The following TMEM132D variants were observed in gnomAD, a reference collection of about 807,000 sequenced individuals.
TMEM132D encodes transmembrane protein 132D.
Under a neutral mutation model 62.3 loss-of-function variants are expected in TMEM132D, and 21 were observed. That is an observed-to-expected ratio of 0.34 (90% CI 0.24 to 0.49). The LOEUF is 0.49. TMEM132D is among the 20% of genes least tolerant of loss of function. TMEM132D has a pLI of 0.99. For synonymous variants in TMEM132D, 621 were observed against 575.6 expected (o/e 1.08, Z -1.13); for missense variants, 1,346 against 1,402.8 (o/e 0.96, Z 0.65).
chr12:129,198,532 A>C (rs1312358155), intron 5 of TMEM132D, among the ~76,000 whole-genome samples: 1 of 152,244 alleles, frequency 6.6e-6, no homozygotes, highest in African/African-American at 2.4e-5. Context: ...ATTTGAAAAC[A>C]TTATGCTAAG....
At chr12:129,731,537 C>A (rs1869236631) in intron 1 of TMEM132D, among the ~76,000 whole-genome samples, 1 of 152,016 alleles carries the variant, frequency 6.6e-6, no homozygotes, top group African/African-American at 2.4e-5. Context: ...TGAAGACCTG[C>A]CAGGTGTGTA....
At chr12:129,347,086 T>C (rs1235632566) in intron 3 of TMEM132D, among the ~76,000 whole-genome samples, 1 of 152,210 alleles carries the variant, frequency 6.6e-6, no homozygotes, top group Non-Finnish European at 1.5e-5. Context: ...AAACATTCCA[T>C]GCTCGTGGAT....
intron 4 of TMEM132D, among the ~76,000 whole-genome samples, chr12:129,332,963 A>G (rs1869158229): frequency 6.6e-6 from 1 of 152,212 alleles, no homozygotes; most frequent in South Asian, 2.1e-4. Context: ...AAAATACTTA[A>G]CATTACTAAA....
At chr12:129,103,478 C>A (rs1875382472) in intron 5 of TMEM132D, among the ~76,000 whole-genome samples, 1 of 151,494 alleles carries the variant, frequency 6.6e-6, no homozygotes, top group East Asian at 1.9e-4. Flanking sequence ...GGAGCCCCAT[C>A]CAGACACACA....
At chr12:129,281,818 G>T (rs1481746003) in intron 4 of TMEM132D, among the ~76,000 whole-genome samples, 3 of 152,106 alleles carry the variant, frequency 2.0e-5, no homozygotes, top group Admixed American at 6.6e-5. Context: ...TATTACCTGG[G>T]AGGTTATGGC....
intron 5 of TMEM132D, among the ~76,000 whole-genome samples, chr12:129,165,077 A>G (rs1345642883): frequency 6.6e-6 from 1 of 152,258 alleles, no homozygotes; most frequent in Non-Finnish European, 1.5e-5. Flanking sequence ...ATAACATGAG[A>G]GAATCTCAAA....
intron 3 of TMEM132D, among the ~76,000 whole-genome samples, chr12:129,366,640 C>T (rs1870423099): frequency 6.6e-6 from 1 of 152,170 alleles, no homozygotes; most frequent in African/African-American, 2.4e-5. Context: ...AGCTCTAGGA[C>T]CAGGCATCGC....
chr12:129,219,211 G>A (rs1879289831), intron 4 of TMEM132D, among the ~76,000 whole-genome samples: 1 of 152,104 alleles, frequency 6.6e-6, no homozygotes, highest in Non-Finnish European at 1.5e-5. Context: ...GAATCATGGG[G>A]GCAGGTCTTT....
At chr12:129,402,422 A>G (rs1871650166) in intron 3 of TMEM132D, among the ~76,000 whole-genome samples, 1 of 152,168 alleles carries the variant, frequency 6.6e-6, no homozygotes, top group Admixed American at 6.5e-5. Context: ...CATCCCTCAG[A>G]ATCCCTCTGA....
chr12:129,648,149 A>G (rs570792687), intron 2 of TMEM132D, among the ~76,000 whole-genome samples: 2 of 152,224 alleles, frequency 1.3e-5, no homozygotes, highest in South Asian at 4.1e-4. Flanking sequence ...GCTCCTATGG[A>G]TAACATCACT....
At chr12:129,285,526 CA>C (rs1555244565) in intron 4 of TMEM132D, among the ~76,000 whole-genome samples, 4 of 40,960 alleles carry the variant, frequency 9.8e-5, no homozygotes, top group Middle Eastern at 0.024. Context: ...GACTGTGTCT[CA>C]AAAAAAAAAA....
chr12:129,800,264 G>T (rs549081708), intron 1 of TMEM132D, among the ~76,000 whole-genome samples: 4 of 152,094 alleles, frequency 2.6e-5, no homozygotes, highest in African/African-American at 9.6e-5. Context: ...AATGCATAGA[G>T]AACAGGGTAT....
intron 4 of TMEM132D, among the ~76,000 whole-genome samples, chr12:129,309,605 T>C (rs12422820): frequency 0.2 from 30,804 of 151,942 alleles, 3,859 homozygotes; most frequent in East Asian, 0.4. Context: ...CAGAGGAGAG[T>C]TGCACTTTAT....
At chr12:129,108,480 G>C (rs1875575563) in intron 5 of TMEM132D, among the ~76,000 whole-genome samples, 1 of 152,146 alleles carries the variant, frequency 6.6e-6, no homozygotes, top group South Asian at 2.1e-4. Flanking sequence ...GATGTCCCTG[G>C]TCCTGTTTAG....
chr12:129,457,190 C>G (rs1873498995), intron 3 of TMEM132D, among the ~76,000 whole-genome samples: 1 of 151,994 alleles, frequency 6.6e-6, no homozygotes, highest in Admixed American at 6.6e-5. Flanking sequence ...GGAACCAACC[C>G]AAATGTCCAA....
intron 1 of TMEM132D, among the ~76,000 whole-genome samples, chr12:129,709,685 C>T (rs539714541): frequency 1.9e-4 from 29 of 152,218 alleles, no homozygotes; most frequent in African/African-American, 6.7e-4. Context: ...TTTTTGTTGT[C>T]GTATTCTTCA....
chr12:129,751,119 C>T (rs1029772113), intron 1 of TMEM132D, among the ~76,000 whole-genome samples: 3 of 152,150 alleles, frequency 2.0e-5, no homozygotes, highest in Non-Finnish European at 4.4e-5. Context: ...AATCCATTTT[C>T]ACAATGCTAT....
At position 129,575,640 on chromosome 12, in the gene TMEM132D, A is replaced by C. The variant is rs77597715; in HGVS notation, c.969-44435T>G. 6.5e-4 allele frequency among the ~76,000 whole-genome samples: 99 copies of C among 152,034 alleles called. 2 individuals are homozygous for C. Among genetic ancestry groups the C allele is most frequent in the African/African-American group, 2.4e-3 (98 of 41,314 alleles). On this transcript the variant is annotated intron_variant, in intron 2 of 8. Coordinates refer to ENST00000422113, the MANE Select transcript of TMEM132D (RefSeq NM_133448.3). ...AAGGAGAAACGCGGGCCTAGTGGTC[A>C]GATTGGACTTTTTAATGAAAGACAA...
intron 4 of TMEM132D, among the ~76,000 whole-genome samples, chr12:129,287,312 G>C (rs1025271474): frequency 6.6e-6 from 1 of 152,150 alleles, no homozygotes; most frequent in Non-Finnish European, 1.5e-5. Context: ...GCTGATGTAA[G>C]CACAGAATTG....
Sources: allele counts gnomAD v4.1 joint callset (sites outside exome capture counted in the v4.1 genomes callset), GRCh38; gene constraint gnomAD v4.1.1; transcripts MANE v1.5; gene names NCBI Gene and HGNC (gene_info 2026-07-23, HGNC 2026-07-21).